The following L2HGDH variants were observed in gnomAD, a reference collection of about 807,000 sequenced individuals.
L2HGDH encodes the protein L-2-hydroxyglutarate dehydrogenase, also known as L-2-hydroxyglutarate dehydrogenase, mitochondrial.
L2HGDH carries 34 observed loss-of-function variants against 51.5 expected under a neutral mutation model. That is an observed-to-expected ratio of 0.66 (90% CI 0.50 to 0.88). The LOEUF (loss-of-function observed/expected upper bound fraction) is 0.88, where lower values mean the gene tolerates loss of function less well. L2HGDH is among the 40% of genes least tolerant of loss of function. The pLI, the probability that L2HGDH is intolerant of heterozygous loss-of-function variation, is 0.00. For synonymous variants in L2HGDH, 198 were observed against 197.9 expected, an observed-to-expected ratio of 1.00 and a Z score of -0.01; for missense variants, 558 against 571.9, an observed-to-expected ratio of 0.98 and a Z score of 0.25.
intron 1 of L2HGDH, among the ~76,000 whole-genome samples, chr14:50,308,601 C>A (rs6572656): frequency 0.58 from 87,460 of 151,994 alleles, 25,161 homozygotes; most frequent in East Asian, 0.66. Context: ...AAAAAGTGAT[C>A]ACCCCAAATG....
At chr14:50,269,566 T>C (rs539623357) in intron 6 of L2HGDH, among the ~76,000 whole-genome samples, 1 of 152,292 alleles carries the variant, frequency 6.6e-6, no homozygotes, top group African/African-American at 2.4e-5. Flanking sequence ...AAGATAATAA[T>C]GGTCAACCTA....
At chr14:50,266,136 T>A (rs1447599526) in intron 8 of L2HGDH, among the ~76,000 whole-genome samples, 3 of 117,866 alleles carry the variant, frequency 2.5e-5, no homozygotes, top group Non-Finnish European at 5.8e-5. Flanking sequence ...ACAGTGAAAC[T>A]TTGACTCAAA....
rs761283403 is a variant in L2HGDH at position 50,312,025 on chromosome 14, G to A, written c.126C>T (p.Arg42=). ...CGGCCACTCACCTGGTGCTGGCGCT[G>A]CGGCTACCTCCACACAGCGGTCTTG... ...GRPRPLCGGS[R]SASTSSFDIV... Residue 42 remains arginine, a synonymous_variant, in exon 1 of 10, where the codon CGC becomes CGT. Coordinates refer to ENST00000267436, the MANE Select transcript of L2HGDH (RefSeq NM_024884.3). The A allele has an allele frequency of 2.5e-6, 4 of 1,571,336 alleles. No homozygotes were observed. The South Asian group carries it at 3.5e-5, about 14-fold the overall frequency.
chr14:50,250,556 G>C (rs1888286505), intron 9 of L2HGDH, among the ~76,000 whole-genome samples: 1 of 152,148 alleles, frequency 6.6e-6, no homozygotes, highest in Non-Finnish European at 1.5e-5. Flanking sequence ...CCTGGGGCCT[G>C]AGGAAGCTTA....
At chr14:50,293,463 T>G (rs2029874466) in intron 4 of L2HGDH, among the ~76,000 whole-genome samples, 1 of 152,214 alleles carries the variant, frequency 6.6e-6, no homozygotes, top group Non-Finnish European at 1.5e-5. Context: ...TTTATTTTAT[T>G]TTTCTTACCA....
In L2HGDH at chr14:50,243,442, T is replaced by C. The variant is rs937276331; in HGVS notation, c.*3616A>G. The C allele has an allele frequency of 1.7e-4, 157 of 908,796 alleles. No homozygotes were observed. Among genetic ancestry groups the C allele is most frequent in the Non-Finnish European group, 2.0e-4 (151 of 760,570 alleles). 56.3% of individuals were successfully genotyped at this position (908,796 alleles called of 1,614,324 possible). A position where few individuals can be genotyped will look rare whatever the true frequency, so the allele number is the denominator to read the frequency against. ...TAAAAAAATTTATTTGCATAAAAGT[T>C]TTTATGGAACTAAAAAATATGTTCT... On this transcript the variant is annotated 3_prime_UTR_variant, in exon 10 of 10. Coordinates refer to ENST00000267436, the MANE Select transcript of L2HGDH (RefSeq NM_024884.3).
At position 50,310,196 on chromosome 14, in the gene L2HGDH, G is replaced by C. The variant is rs537323274; in HGVS notation, c.140+1815C>G. Among the ~76,000 whole-genome samples the C allele has an allele frequency of 7.2e-5, 11 of 151,916 alleles. No individual in the cohort carries two copies. The East Asian group carries it at 2.2e-3, about 30-fold the overall frequency. ...AAGATGTTTTCATTGGGGTAAATGG[G>C]GTGAAGGGTACATGGGATCTCTTTG... On this transcript the variant is annotated intron_variant, in intron 1 of 9. Coordinates refer to ENST00000267436, the MANE Select transcript of L2HGDH (RefSeq NM_024884.3).
intron 4 of L2HGDH, among the ~76,000 whole-genome samples, chr14:50,291,637 C>T (rs966769508): frequency 1.3e-5 from 2 of 152,168 alleles, no homozygotes; most frequent in Non-Finnish European, 2.9e-5. Flanking sequence ...TTCAGAAAAT[C>T]TTGCATATTT....
intron 4 of L2HGDH, among the ~76,000 whole-genome samples, chr14:50,290,680 T>C (rs1595126433): frequency 6.6e-6 from 1 of 152,064 alleles, no homozygotes; most frequent in East Asian, 1.9e-4. Context: ...ATATTTTTTT[T>C]TGAGATGGAG....
intron 5 of L2HGDH, among the ~76,000 whole-genome samples, chr14:50,280,497 A>G (rs1464597680): frequency 1.3e-5 from 2 of 152,006 alleles, no homozygotes; most frequent in African/African-American, 4.8e-5. Flanking sequence ...ATTTACAGCT[A>G]TCAATAAAAA....
intron 1 of L2HGDH, among the ~76,000 whole-genome samples, chr14:50,304,599 G>T (rs1025540306): frequency 6.6e-6 from 1 of 152,232 alleles, no homozygotes; most frequent in Non-Finnish European, 1.5e-5. Flanking sequence ...ACTTTGGGAG[G>T]CCAAGGCGGG....
At chr14:50,276,888 A>C (rs112727406) in intron 6 of L2HGDH, among the ~76,000 whole-genome samples, 5 of 152,202 alleles carry the variant, frequency 3.3e-5, no homozygotes, top group African/African-American at 1.2e-4. Flanking sequence ...GGGGCTAGAC[A>C]TTTCTTTGTT....
At chr14:50,281,737 A>C (rs1170761293) in intron 5 of L2HGDH, among the ~76,000 whole-genome samples, 1 of 152,172 alleles carries the variant, frequency 6.6e-6, no homozygotes, top group Non-Finnish European at 1.5e-5. Flanking sequence ...CTGGTTGTTC[A>C]AACTAGTCTA....
chr14:50,312,114 C>G lies in L2HGDH; in HGVS notation c.37G>C (p.Gly13Arg). ...PALRYLVGAC[G>R]RARGLFAGGS... The stretch of plus-strand genomic sequence containing the variant: ...CCGGCGAAAAGCCCGCGGGCCCGTC[C>G]GCAGGCACCAACCAAATAACGCAGC... The change falls in exon 1 of 10, where the codon GGA becomes CGA. Residue 13 changes from glycine (G) to arginine (R), a missense_variant. Transcript: ENST00000267436. 1 of 1,609,700 alleles carries G rather than the reference C, an allele frequency of 6.2e-7. No individual in the cohort carries two copies.
intron 9 of L2HGDH, among the ~76,000 whole-genome samples, chr14:50,257,510 C>T (rs1269911642): frequency 6.6e-6 from 1 of 151,926 alleles, no homozygotes; most frequent in Non-Finnish European, 1.5e-5. Context: ...GCTGGGACTA[C>T]AGGTGTGTAC....
chr14:50,293,124 C>A, intron 4 of L2HGDH: 1 of 657,002 alleles, frequency 1.5e-6, no homozygotes, highest in Non-Finnish European at 2.8e-6. Context: ...AAAAAAATGG[C>A]TATTATAATT....
At chr14:50,276,607 G>T (rs1889994936) in intron 6 of L2HGDH, among the ~76,000 whole-genome samples, 1 of 152,070 alleles carries the variant, frequency 6.6e-6, no homozygotes, top group South Asian at 2.1e-4. Flanking sequence ...CTTATAAAAG[G>T]AAGAGACACC....
At chr14:50,255,549 AAAAAGAAAAG>A (rs1436356429) in intron 9 of L2HGDH, among the ~76,000 whole-genome samples, 44 of 151,024 alleles carry the variant, frequency 2.9e-4, no homozygotes, top group African/African-American at 9.7e-4. Context: ...AAAAAAAAAA[AAAAAGAAAAG>A]AAAAAGAAAA....
intron 5 of L2HGDH, among the ~76,000 whole-genome samples, chr14:50,281,544 A>G (rs938738116): frequency 1.3e-5 from 2 of 152,312 alleles, no homozygotes; most frequent in African/African-American, 2.4e-5. Context: ...GTGAGCCAAG[A>G]TTATGCCACT....
Sources: gnomAD v4.1 joint callset for allele counts (sites outside exome capture counted in the v4.1 genomes callset) on GRCh38, gnomAD v4.1.1 for gene constraint, MANE v1.5 for transcripts, NCBI Gene and HGNC (gene_info 2026-07-23, HGNC 2026-07-21) for gene names.